The following GLI3 variants were observed in gnomAD, a reference collection of about 807,000 sequenced individuals.
GLI3 encodes transcription activator GLI3.
A neutral mutation model predicts 100.8 loss-of-function variants in GLI3; 20 were observed. The ratio of observed to expected loss-of-function variants is 0.20; its 90% CI spans 0.14 to 0.29. GLI3 has a LOEUF of 0.29. Among genes scored for constraint, GLI3 ranks in the 10% least tolerant of loss-of-function variants. The pLI is 1.00. For missense variants in GLI3, 2,040 were observed against 2,128.5 expected (o/e 0.96, Z 0.82); for synonymous variants, 938 against 860.5 (o/e 1.09, Z -1.58).
chr7:42,041,562 A>G (rs988452747), intron 6 of GLI3, among the ~76,000 whole-genome samples: 1 of 152,244 alleles, frequency 6.6e-6, no homozygotes, highest in Non-Finnish European at 1.5e-5. Context: ...CTAACACCTC[A>G]TAGAATGAGT....
At chr7:42,069,826 A>G (rs1333770340) in intron 4 of GLI3, among the ~76,000 whole-genome samples, 2 of 152,214 alleles carry the variant, frequency 1.3e-5, no homozygotes, top group Non-Finnish European at 2.9e-5. Context: ...CTGTGTTCCA[A>G]TAAAACTTTA....
intron 1 of GLI3, among the ~76,000 whole-genome samples, chr7:42,262,220 C>T (rs555555167): frequency 7.6e-6 from 1 of 132,094 alleles, no homozygotes; most frequent in African/African-American, 3.2e-5. Flanking sequence ...TTCCTTCCTT[C>T]CTTCTTTCCT....
chr7:42,048,728 A>T, intron 4 of GLI3, 32 bp from the exon 5 acceptor site: 1 of 1,396,572 alleles, frequency 7.2e-7, no homozygotes, highest in Non-Finnish European at 1.0e-6. Context: ...TACAAGGGGT[A>T]TGCATGAGAC....
chr7:42,255,074 C>CTCT (rs1409630914), intron 1 of GLI3, among the ~76,000 whole-genome samples: 32 of 148,876 alleles, frequency 2.1e-4, no homozygotes, highest in African/African-American at 7.0e-4. Context: ...TTTTCTGTTT[C>CTCT]TGTTTTTTTT....
chr7:42,045,629 A>C, intron 5 of GLI3, 99 bp from the exon 6 acceptor site: 1 of 1,034,278 alleles, frequency 9.7e-7, no homozygotes. Flanking sequence ...CCACATCAGC[A>C]ATTCCTTTTA....
chr7:42,140,493 A>G (rs556876251), intron 3 of GLI3, among the ~76,000 whole-genome samples: 2 of 152,364 alleles, frequency 1.3e-5, no homozygotes, highest in Non-Finnish European at 2.9e-5. Flanking sequence ...TGAAGACATT[A>G]GAATGATGAG....
chr7:42,213,939 C>A (rs866198391), intron 2 of GLI3, among the ~76,000 whole-genome samples: 1 of 152,260 alleles, frequency 6.6e-6, no homozygotes, highest in South Asian at 2.1e-4. Context: ...AACCCTTAAA[C>A]ATGGGTACAA....
chr7:42,098,198 T>C (rs1251234509), intron 3 of GLI3, among the ~76,000 whole-genome samples: 1 of 152,070 alleles, frequency 6.6e-6, no homozygotes. Flanking sequence ...TCAATGTGGA[T>C]GTACTTGCAC....
At chr7:42,081,074 C>G (rs974367381) in intron 3 of GLI3, among the ~76,000 whole-genome samples, 2 of 152,184 alleles carry the variant, frequency 1.3e-5, no homozygotes, top group Non-Finnish European at 2.9e-5. Context: ...GGAAGTGCCA[C>G]GAAACCTGGC....
chr7:42,008,802 A>G (rs1788529866), intron 10 of GLI3, among the ~76,000 whole-genome samples: 1 of 152,232 alleles, frequency 6.6e-6, no homozygotes, highest in Non-Finnish European at 1.5e-5. Context: ...CTTGGTGGAA[A>G]CTATCTTTGT....
chr7:42,180,037 G>A (rs1040949057), intron 2 of GLI3, among the ~76,000 whole-genome samples: 1 of 152,168 alleles, frequency 6.6e-6, no homozygotes, highest in Non-Finnish European at 1.5e-5. Context: ...AACTGGCTGC[G>A]AGCTCCCAAG....
At chr7:42,039,332 G>C (rs1277282012) in intron 7 of GLI3, among the ~76,000 whole-genome samples, 2 of 152,198 alleles carry the variant, frequency 1.3e-5, no homozygotes, top group Non-Finnish European at 2.9e-5. Flanking sequence ...ACAAAAGTCT[G>C]TGCTTGTACC....
intron 3 of GLI3, among the ~76,000 whole-genome samples, chr7:42,111,560 TC>T (rs3839733): frequency 0.11 from 16,064 of 152,106 alleles, 913 homozygotes; most frequent in African/African-American, 0.16. Context: ...AGGTGATACT[TC>T]AAGAAACTGT....
At chr7:42,257,397 C>A (rs1583678368) in intron 1 of GLI3, among the ~76,000 whole-genome samples, 1 of 150,070 alleles carries the variant, frequency 6.7e-6, no homozygotes, top group Admixed American at 6.6e-5. Flanking sequence ...GCTCTGTCGC[C>A]CAGGCTGGAG....
At chr7:42,202,146 T>C (rs559728002) in intron 2 of GLI3, among the ~76,000 whole-genome samples, 12 of 151,928 alleles carry the variant, frequency 7.9e-5, no homozygotes, top group Non-Finnish European at 1.3e-4. Flanking sequence ...ATGCAGTCCA[T>C]TGTTGATCCA....
intron 3 of GLI3, among the ~76,000 whole-genome samples, chr7:42,088,355 A>G (rs1785147782): frequency 6.6e-6 from 1 of 152,182 alleles, no homozygotes; most frequent in African/African-American, 2.4e-5. Flanking sequence ...AACTACTCCA[A>G]GCTCCACTCT....
chr7:42,229,399 A>G (rs1426585507), intron 1 of GLI3, among the ~76,000 whole-genome samples: 1 of 152,242 alleles, frequency 6.6e-6, no homozygotes, highest in Admixed American at 6.5e-5. Flanking sequence ...TATTAACAGC[A>G]CCATGGCTCA....
chr7:42,243,580 C>T (rs958376332), intron 1 of GLI3, among the ~76,000 whole-genome samples: 2 of 152,192 alleles, frequency 1.3e-5, no homozygotes, highest in African/African-American at 4.8e-5. Flanking sequence ...TAACGATATT[C>T]ATCTCACAGA....
intron 3 of GLI3, among the ~76,000 whole-genome samples, chr7:42,111,824 C>T (rs577937519): frequency 3.3e-5 from 5 of 152,274 alleles, no homozygotes; most frequent in Admixed American, 1.3e-4. Flanking sequence ...CAGTCTGTAA[C>T]GTGATCATGA....
Sources: gnomAD v4.1 joint callset for allele counts (sites outside exome capture counted in the v4.1 genomes callset) on GRCh38, gnomAD v4.1.1 for gene constraint, MANE v1.5 for transcripts, NCBI Gene and HGNC (gene_info 2026-07-23, HGNC 2026-07-21) for gene names.